The following HS6ST3 variants were observed in gnomAD, a reference collection of about 807,000 sequenced individuals.
HS6ST3 encodes heparan sulfate 6-O-sulfotransferase 3, also known as heparan-sulfate 6-O-sulfotransferase 3.
Under a neutral mutation model 36.7 loss-of-function variants are expected in HS6ST3, and 12 were observed. The observed-to-expected ratio is 0.33, with a 90% confidence interval of 0.21 to 0.53. The LOEUF is 0.53. Among genes scored for constraint, HS6ST3 ranks in the 20% least tolerant of loss-of-function variants. The pLI is 0.95. For synonymous variants in HS6ST3, 240 were observed against 257.5 expected (o/e 0.93, Z 0.65); for missense variants, 584 against 640.9 (o/e 0.91, Z 0.96).
intron 1 of HS6ST3, among the ~76,000 whole-genome samples, chr13:96,182,772 G>A (rs759790962): frequency 6.6e-6 from 1 of 151,900 alleles, no homozygotes; most frequent in African/African-American, 2.4e-5. Context: ...ATGATGTCCT[G>A]GTCTCACCTT....
At chr13:96,266,771 G>A (rs2139386088) in intron 1 of HS6ST3, among the ~76,000 whole-genome samples, 1 of 152,206 alleles carries the variant, frequency 6.6e-6, no homozygotes, top group East Asian at 1.9e-4. Context: ...TGCAACAAGT[G>A]CTTATTGAAC....
intron 1 of HS6ST3, among the ~76,000 whole-genome samples, chr13:96,122,399 A>G (rs1594684429): frequency 6.6e-6 from 1 of 152,172 alleles, no homozygotes; most frequent in South Asian, 2.1e-4. Flanking sequence ...TATTTTAATT[A>G]ACATAATCTC....
intron 1 of HS6ST3, among the ~76,000 whole-genome samples, chr13:96,405,857 A>T (rs1005554834): frequency 2.0e-5 from 3 of 152,166 alleles, no homozygotes; most frequent in Non-Finnish European, 4.4e-5. Flanking sequence ...GGAGTCATTC[A>T]AATTCATAAA....
chr13:96,232,980 A>G (rs982095995), intron 1 of HS6ST3, among the ~76,000 whole-genome samples: 1 of 152,242 alleles, frequency 6.6e-6, no homozygotes, highest in Non-Finnish European at 1.5e-5. Context: ...CCTACCAAAC[A>G]AGAAACCTCT....
rs191000115 is a variant in HS6ST3, at chr13:96,316,019, T to C, written c.707+224450T>C. ...CTTCTGGTTGTATTTTTAAAAATAATCATTATTGTGTTGATATTTACAGTT... is the reference window on the plus strand; with the variant it reads ...CTTCTGGTTGTATTTTTAAAAATAACCATTATTGTGTTGATATTTACAGTT... On this transcript the variant is annotated intron_variant, in intron 1 of 1. Transcript: ENST00000376705. Among the ~76,000 whole-genome samples the C allele has an allele frequency of 6.0e-3, 914 of 152,330 alleles. 5 individuals are homozygous for C. Among genetic ancestry groups the C allele is most frequent in the Non-Finnish European group, 0.011 (722 of 68,026 alleles).
At chr13:96,494,273 C>G (rs2055961547) in intron 1 of HS6ST3, among the ~76,000 whole-genome samples, 1 of 151,702 alleles carries the variant, frequency 6.6e-6, no homozygotes, top group Admixed American at 6.6e-5. Flanking sequence ...AACCATCATT[C>G]TCAGCAAACT....
intron 1 of HS6ST3, among the ~76,000 whole-genome samples, chr13:96,393,158 T>A (rs2139452950): frequency 6.6e-6 from 1 of 152,282 alleles, no homozygotes; most frequent in South Asian, 2.1e-4. Flanking sequence ...ACCATGATTG[T>A]GAGGCCTCCC....
At chr13:96,464,692 A>T (rs2055803396) in intron 1 of HS6ST3, among the ~76,000 whole-genome samples, 1 of 152,192 alleles carries the variant, frequency 6.6e-6, no homozygotes, top group African/African-American at 2.4e-5. Context: ...GTAGAATTTG[A>T]TCACCTACTG....
chr13:96,456,278 G>C (rs1388807584), intron 1 of HS6ST3, among the ~76,000 whole-genome samples: 2 of 152,060 alleles, frequency 1.3e-5, no homozygotes, highest in Non-Finnish European at 2.9e-5. Context: ...TCTGCATCTT[G>C]ACCCTTTGTG....
chr13:96,748,184 AG>A (rs1876608711), intron 1 of HS6ST3, among the ~76,000 whole-genome samples: 1 of 152,072 alleles, frequency 6.6e-6, no homozygotes, highest in African/African-American at 2.4e-5. Context: ...GAGTATAAAG[AG>A]GACTTGTGTC....
At chr13:96,681,495 ACAT>A (rs1566428374) in intron 1 of HS6ST3, among the ~76,000 whole-genome samples, 1 of 152,142 alleles carries the variant, frequency 6.6e-6, no homozygotes, top group Non-Finnish European at 1.5e-5. Context: ...TCACCTCATT[ACAT>A]CTTTCATTGG....
intron 1 of HS6ST3, among the ~76,000 whole-genome samples, chr13:96,477,421 A>G (rs557872824): frequency 1.3e-5 from 2 of 152,346 alleles, no homozygotes; most frequent in Non-Finnish European, 2.9e-5. Flanking sequence ...GTGAGATTTT[A>G]TGTTCAAGAA....
At chr13:96,258,645 G>A (rs2054649393) in intron 1 of HS6ST3, among the ~76,000 whole-genome samples, 2 of 152,120 alleles carry the variant, frequency 1.3e-5, no homozygotes, top group African/African-American at 2.4e-5. Flanking sequence ...TCACCAGGCT[G>A]TTTCTTGGTC....
chr13:96,245,184 A>G (rs1229947359), intron 1 of HS6ST3, among the ~76,000 whole-genome samples: 1 of 151,904 alleles, frequency 6.6e-6, no homozygotes, highest in Non-Finnish European at 1.5e-5. Flanking sequence ...TTATTCTTGA[A>G]CTCTCCTTAG....
chr13:96,686,469 A>C (rs1277804186), intron 1 of HS6ST3, among the ~76,000 whole-genome samples: 1 of 152,008 alleles, frequency 6.6e-6, no homozygotes, highest in Non-Finnish European at 1.5e-5. Context: ...AAACTATTCC[A>C]TGGCTTGTGC....
chr13:96,489,201 T>C (rs1433809479), intron 1 of HS6ST3, among the ~76,000 whole-genome samples: 1 of 152,170 alleles, frequency 6.6e-6, no homozygotes, highest in East Asian at 1.9e-4. Flanking sequence ...TTTAAGGTTA[T>C]AATTTAACAT....
At chr13:96,138,929 A>C (rs894420607) in intron 1 of HS6ST3, among the ~76,000 whole-genome samples, 1 of 152,148 alleles carries the variant, frequency 6.6e-6, no homozygotes, top group African/African-American at 2.4e-5. Context: ...CTGGGTATGC[A>C]TGATTATGGG....
intron 1 of HS6ST3, among the ~76,000 whole-genome samples, chr13:96,341,650 T>A (rs2055130876): frequency 6.6e-6 from 1 of 152,120 alleles, no homozygotes; most frequent in African/African-American, 2.4e-5. Context: ...AAGTGGAAAT[T>A]TTGTTTTGAA....
chr13:96,806,745 G>A (rs184501629), intron 1 of HS6ST3, among the ~76,000 whole-genome samples: 2 of 152,264 alleles, frequency 1.3e-5, no homozygotes, highest in East Asian at 1.9e-4. Context: ...AAGGGTTGAC[G>A]CACATCTAGA....
Sources: gnomAD v4.1 joint callset for allele counts (sites outside exome capture counted in the v4.1 genomes callset) on GRCh38, gnomAD v4.1.1 for gene constraint, MANE v1.5 for transcripts, NCBI Gene and HGNC (gene_info 2026-07-23, HGNC 2026-07-21) for gene names.